The following KIF6 variants were observed in gnomAD, a reference collection of about 807,000 sequenced individuals.
The protein encoded by KIF6 is kinesin-like protein KIF6.
Under a neutral mutation model 112.7 loss-of-function variants are expected in KIF6, and 106 were observed. The ratio of observed to expected loss-of-function variants is 0.94; its 90% CI spans 0.80 to 1.11. The LOEUF (loss-of-function observed/expected upper bound fraction) is 1.11. KIF6 is among the 50% of genes least tolerant of loss of function. KIF6 has a pLI of 0.00. For missense variants in KIF6, 929 were observed against 964.0 expected, an observed-to-expected ratio of 0.96 and a Z score of 0.48; for synonymous variants, 339 against 339.9, an observed-to-expected ratio of 1.00 and a Z score of 0.03.
intron 3 of KIF6, among the ~76,000 whole-genome samples, chr6:39,682,519 T>C (rs1787586492): frequency 6.6e-6 from 1 of 152,252 alleles, no homozygotes; most frequent in South Asian, 2.1e-4. Context: ...CCTTATGCAG[T>C]GCATAATCGA....
At chr6:39,531,543 A>G (rs1001058474) in intron 13 of KIF6, among the ~76,000 whole-genome samples, 14 of 152,146 alleles carry the variant, frequency 9.2e-5, no homozygotes, top group African/African-American at 2.9e-4. Flanking sequence ...CTCCTCCTCT[A>G]TCATAAGCCA....
At chr6:39,717,509 T>C (rs1049499848) in intron 2 of KIF6, among the ~76,000 whole-genome samples, 3 of 152,204 alleles carry the variant, frequency 2.0e-5, no homozygotes, top group African/African-American at 7.2e-5. Context: ...CTATTAAATG[T>C]TGCAACCATT....
intron 5 of KIF6, among the ~76,000 whole-genome samples, chr6:39,625,552 A>G (rs985480496): frequency 6.6e-6 from 1 of 152,180 alleles, no homozygotes; most frequent in African/African-American, 2.4e-5. Flanking sequence ...CAGCTGTGTC[A>G]GTAATTAACT....
At chr6:39,340,950 C>T (rs1581618408) in intron 22 of KIF6, among the ~76,000 whole-genome samples, 1 of 152,122 alleles carries the variant, frequency 6.6e-6, no homozygotes, top group African/African-American at 2.4e-5. Flanking sequence ...TCCAAGCCTT[C>T]CTCCACTTGT....
At position 39,586,338 on chromosome 6, in the gene KIF6, C is replaced by CATGATGACCAA; in HGVS notation, c.912_913insTTGGTCATCAT (p.Val305LeufsTer6). On this transcript the variant is annotated frameshift_variant, in exon 8 of 23. Coordinates refer to ENST00000287152, the MANE Select transcript of KIF6 (RefSeq NM_145027.6). LOFTEE classifies it high-confidence loss of function. ...TTCCCTCCCAAACTGTCTCTTAGGA[C>CATGATGACCAA]ACTGGTCATCATGGAGTTTCTATAA... is the stretch of plus-strand genomic sequence containing the variant. 1 of 1,613,938 alleles carries CATGATGACCAA rather than the reference C, an allele frequency of 6.2e-7. No individual in the cohort carries two copies. The highest frequency in any genetic ancestry group is 1.3e-5 in the African/African-American group (1 of 75,042).
chr6:39,341,876 T>A (rs1763341183), intron 22 of KIF6, among the ~76,000 whole-genome samples: 1 of 152,234 alleles, frequency 6.6e-6, no homozygotes, highest in Non-Finnish European at 1.5e-5. Flanking sequence ...ACTTTCATGG[T>A]AGCCTGGTAA....
chr6:39,477,793 G>A (rs531411348), intron 13 of KIF6, among the ~76,000 whole-genome samples: 2 of 152,196 alleles, frequency 1.3e-5, no homozygotes, highest in Admixed American at 1.3e-4. Context: ...CCCGGGAGGC[G>A]GAGGTTGCAG....
chr6:39,687,706 C>T (rs1421599553), intron 3 of KIF6, among the ~76,000 whole-genome samples: 1 of 152,152 alleles, frequency 6.6e-6, no homozygotes, highest in East Asian at 1.9e-4. Flanking sequence ...TATTATCATA[C>T]TTAGGTTAAA....
At chr6:39,465,141 C>T (rs183795196) in intron 13 of KIF6, among the ~76,000 whole-genome samples, 25 of 152,240 alleles carry the variant, frequency 1.6e-4, no homozygotes, top group Admixed American at 1.6e-3. Context: ...CTTCGGTAGG[C>T]GGGCGGGGAT....
At chr6:39,351,861 A>C (rs1487174585) in intron 19 of KIF6, among the ~76,000 whole-genome samples, 9 of 152,182 alleles carry the variant, frequency 5.9e-5, no homozygotes, top group African/African-American at 2.2e-4. Flanking sequence ...ATGATTGAGG[A>C]AGCTGAATCC....
At chr6:39,551,768 A>T (rs1326361139) in intron 10 of KIF6, among the ~76,000 whole-genome samples, 1 of 152,214 alleles carries the variant, frequency 6.6e-6, no homozygotes, top group Non-Finnish European at 1.5e-5. Context: ...GTAGCATAAG[A>T]AATATGGCAG....
At chr6:39,355,119 G>A (rs538203778) in intron 19 of KIF6, among the ~76,000 whole-genome samples, 23 of 152,220 alleles carry the variant, frequency 1.5e-4, no homozygotes, top group African/African-American at 2.4e-4. Context: ...CCAGGAGGTC[G>A]AGGCTGCAGT....
chr6:39,653,396 T>C (rs1295284873), intron 3 of KIF6, among the ~76,000 whole-genome samples: 1 of 152,188 alleles, frequency 6.6e-6, no homozygotes, highest in African/African-American at 2.4e-5. Flanking sequence ...ATTAAAAGAA[T>C]AGAAAACAGA....
intron 13 of KIF6, among the ~76,000 whole-genome samples, chr6:39,530,161 A>G (rs972955276): frequency 1.3e-5 from 2 of 152,192 alleles, no homozygotes; most frequent in Non-Finnish European, 2.9e-5. Context: ...GCCTTTCTAT[A>G]TACACAGCAG....
At chr6:39,713,444 C>A (rs532877067) in intron 3 of KIF6, among the ~76,000 whole-genome samples, 6 of 152,034 alleles carry the variant, frequency 3.9e-5, no homozygotes, top group Non-Finnish European at 7.4e-5. Flanking sequence ...ATATAGTAGG[C>A]CATTTCTGTA....
intron 5 of KIF6, among the ~76,000 whole-genome samples, chr6:39,627,974 T>C (rs913086892): frequency 5.3e-5 from 8 of 152,152 alleles, no homozygotes; most frequent in African/African-American, 1.9e-4. Flanking sequence ...AAATACAGAA[T>C]AGGTTTAATA....
chr6:39,464,450 A>G (rs1773669845), intron 13 of KIF6, among the ~76,000 whole-genome samples: 1 of 152,184 alleles, frequency 6.6e-6, no homozygotes. Flanking sequence ...TTAAGCATAA[A>G]CCTGTGCACT....
chr6:39,634,794 TGAA>T (rs1312584880), intron 5 of KIF6, 52 bp downstream of exon 5: 1 of 1,011,170 alleles, frequency 9.9e-7, no homozygotes, highest in Admixed American at 1.7e-5. Context: ...AGAAAACAAT[TGAA>T]GAGAACATCT....
intron 16 of KIF6, among the ~76,000 whole-genome samples, chr6:39,382,093 T>C (rs976552133): frequency 2.0e-5 from 3 of 152,190 alleles, no homozygotes; most frequent in African/African-American, 7.2e-5. Flanking sequence ...GGAAATGGCT[T>C]CCCAGACCGA....
Sources: gnomAD v4.1 joint callset for allele counts (sites outside exome capture counted in the v4.1 genomes callset) on GRCh38, gnomAD v4.1.1 for gene constraint, MANE v1.5 for transcripts, NCBI Gene and HGNC (gene_info 2026-07-23, HGNC 2026-07-21) for gene names.